ALOX5AP: variants seen among roughly 807,000 people sequenced by gnomAD.
The protein encoded by ALOX5AP is arachidonate 5-lipoxygenase activating protein, also known as arachidonate 5-lipoxygenase-activating protein.
Under a neutral mutation model 18.5 loss-of-function variants are expected in ALOX5AP, and 9 were observed. That is an observed-to-expected ratio of 0.49 (90% confidence interval 0.29 to 0.85). The LOEUF (loss-of-function observed/expected upper bound fraction) is 0.85, where lower values mean the gene tolerates loss of function less well. ALOX5AP is among the 40% of genes least tolerant of loss of function. The pLI is 0.08. For missense variants in ALOX5AP, 172 were observed against 202.5 expected (o/e 0.85, Z 0.91); for synonymous variants, 81 against 78.6 (o/e 1.03, Z -0.16).
intron 4 of ALOX5AP, 38 bp from the exon 5 acceptor site, chr13:30,763,906 G>A (rs374027971): frequency 1.7e-5 from 27 of 1,592,062 alleles, no homozygotes; most frequent in African/African-American, 1.2e-4. Flanking sequence ...GGTGTCATTC[G>A]CACTGCATCT....
intron 4 of ALOX5AP, among the ~76,000 whole-genome samples, chr13:30,758,581 T>C (rs1198172104): frequency 6.6e-6 from 1 of 152,176 alleles, no homozygotes; most frequent in East Asian, 1.9e-4. Flanking sequence ...TCCTTCAGGC[T>C]TCAGGCTGCC....
chr13:30,760,741 C>A (rs111806746), intron 4 of ALOX5AP, among the ~76,000 whole-genome samples: 9 of 152,148 alleles, frequency 5.9e-5, no homozygotes, highest in Non-Finnish European at 4.4e-5. Context: ...AATAGGTTTA[C>A]AATACGCCCC....
intron 3 of ALOX5AP, among the ~76,000 whole-genome samples, chr13:30,754,874 C>T (rs1196372617): frequency 6.6e-6 from 1 of 152,236 alleles, no homozygotes; most frequent in African/African-American, 2.4e-5. Context: ...GTAACACACT[C>T]CTTACCAGAG....
intron 1 of ALOX5AP, among the ~76,000 whole-genome samples, chr13:30,741,239 C>T (rs1466349167): frequency 6.7e-6 from 1 of 149,172 alleles, no homozygotes; most frequent in Admixed American, 6.7e-5. Context: ...TCTCCTGCCT[C>T]AGCCTACAGG....
At chr13:30,758,708 G>A (rs1424256272) in intron 4 of ALOX5AP, among the ~76,000 whole-genome samples, 1 of 152,098 alleles carries the variant, frequency 6.6e-6, no homozygotes, top group Non-Finnish European at 1.5e-5. Context: ...TTCACCTGTA[G>A]CAGTTACTAC....
At chr13:30,722,677 T>C (rs1951603410) in intron 1 of ALOX5AP, among the ~76,000 whole-genome samples, 1 of 152,228 alleles carries the variant, frequency 6.6e-6, no homozygotes, top group African/African-American at 2.4e-5. Context: ...ACAAATCTCA[T>C]GTTGACATTT....
intron 1 of ALOX5AP, among the ~76,000 whole-genome samples, chr13:30,727,031 T>A (rs868129487): frequency 1.3e-5 from 2 of 150,238 alleles, no homozygotes; most frequent in Non-Finnish European, 2.9e-5. Context: ...GAGAGAAAGT[T>A]TCATTGTTAG....
chr13:30,722,984 T>C (rs963611607), intron 1 of ALOX5AP, among the ~76,000 whole-genome samples: 3 of 152,230 alleles, frequency 2.0e-5, no homozygotes, highest in African/African-American at 7.2e-5. Context: ...TGCAGAACCA[T>C]GAGCCAAATC....
intron 3 of ALOX5AP, among the ~76,000 whole-genome samples, chr13:30,755,345 G>T (rs1309708421): frequency 2.6e-5 from 4 of 152,246 alleles, no homozygotes; most frequent in Admixed American, 2.6e-4. Flanking sequence ...ACCAGTTTCA[G>T]AGCTGGGTTT....
intron 1 of ALOX5AP, among the ~76,000 whole-genome samples, chr13:30,728,472 A>C (rs896037089): frequency 6.6e-5 from 10 of 151,694 alleles, no homozygotes; most frequent in African/African-American, 2.4e-4. Flanking sequence ...TATATATTTA[A>C]AAATATAAAA....
intron 1 of ALOX5AP, among the ~76,000 whole-genome samples, chr13:30,730,387 C>T (rs1419987875): frequency 6.6e-6 from 1 of 152,232 alleles, no homozygotes; most frequent in Admixed American, 6.5e-5. Flanking sequence ...ACATCTGGAA[C>T]AGACCATGCC....
At chr13:30,718,072 G>A (rs912884629) in intron 1 of ALOX5AP, among the ~76,000 whole-genome samples, 1 of 151,630 alleles carries the variant, frequency 6.6e-6, no homozygotes, top group South Asian at 2.1e-4. Context: ...CGATTCTCCT[G>A]CCTCAGCCTC....
chr13:30,743,389 T>C (rs1414588849), intron 1 of ALOX5AP, among the ~76,000 whole-genome samples: 1 of 152,102 alleles, frequency 6.6e-6, no homozygotes, highest in Non-Finnish European at 1.5e-5. Flanking sequence ...CTTTGTTTTG[T>C]TCTTGGATGC....
chr13:30,747,038 T>G (rs1025456910), intron 2 of ALOX5AP, among the ~76,000 whole-genome samples: 8 of 152,340 alleles, frequency 5.3e-5, no homozygotes, highest in African/African-American at 1.9e-4. Flanking sequence ...CACTAGCCAG[T>G]GTGGCTCATC....
At chr13:30,721,662 C>G (rs1253344999) in intron 1 of ALOX5AP, among the ~76,000 whole-genome samples, 1 of 152,198 alleles carries the variant, frequency 6.6e-6, no homozygotes, top group Non-Finnish European at 1.5e-5. Context: ...CCAGAGTGCT[C>G]TACAATGCAA....
intron 1 of ALOX5AP, among the ~76,000 whole-genome samples, chr13:30,741,554 C>T (rs1593436734): frequency 1.4e-4 from 1 of 7,202 alleles, no homozygotes; most frequent in Non-Finnish European, 3.7e-4. Context: ...CTCCCCACCC[C>T]CACCCCCCAA....
chr13:30,726,529 C>T (rs890122450), intron 1 of ALOX5AP, among the ~76,000 whole-genome samples: 1 of 152,104 alleles, frequency 6.6e-6, no homozygotes, highest in Admixed American at 6.5e-5. Context: ...AATTCCTATT[C>T]ATGAACATGG....
intron 3 of ALOX5AP, 67 bp downstream of exon 3, chr13:30,752,189 G>A: frequency 1.3e-6 from 2 of 1,539,944 alleles, no homozygotes; most frequent in Admixed American, 3.4e-5. Context: ...TCAAAGGGCA[G>A]GCTTTTTGTT....
intron 4 of ALOX5AP, among the ~76,000 whole-genome samples, chr13:30,759,431 A>G (rs1373513940): frequency 1.3e-5 from 2 of 152,056 alleles, no homozygotes; most frequent in East Asian, 3.9e-4. Flanking sequence ...TTCACTCAAC[A>G]TTGATTCAGT....
Sources: gnomAD v4.1 joint callset for allele counts (sites outside exome capture counted in the v4.1 genomes callset) on GRCh38, gnomAD v4.1.1 for gene constraint, MANE v1.5 for transcripts, NCBI Gene and HGNC (gene_info 2026-07-23, HGNC 2026-07-21) for gene names.